The following CNTNAP2 variants were observed in gnomAD, a reference collection of about 807,000 sequenced individuals.
CNTNAP2 encodes the protein contactin-associated protein-like 2.
Under a neutral mutation model 155.2 loss-of-function variants are expected in CNTNAP2, and 98 were observed. That is an observed-to-expected ratio of 0.63 (90% CI 0.54 to 0.75). The LOEUF (loss-of-function observed/expected upper bound fraction) is 0.75. Ranked by LOEUF, CNTNAP2 falls within the 30% of genes least tolerant of loss-of-function variation. The pLI, the probability that CNTNAP2 is intolerant of heterozygous loss-of-function variation, is 0.00. For synonymous variants in CNTNAP2, 651 were observed against 631.2 expected (o/e 1.03, Z -0.47); for missense variants, 1,727 against 1,688.1 (o/e 1.02, Z -0.40).
chr7:147,321,698 A>C (rs566613139), intron 9 of CNTNAP2, among the ~76,000 whole-genome samples: 1 of 152,276 alleles, frequency 6.6e-6, no homozygotes, highest in Admixed American at 6.5e-5. Context: ...CTCAGTTGGC[A>C]CCTAATTTGC....
At chr7:148,140,642 G>A (rs145627303) in intron 16 of CNTNAP2, among the ~76,000 whole-genome samples, 2,562 of 151,892 alleles carry the variant, frequency 0.017, 76 homozygotes, top group African/African-American at 0.058. Context: ...GGCTGGTCTC[G>A]AACTCCTGAC....
intron 23 of CNTNAP2, among the ~76,000 whole-genome samples, chr7:148,414,464 G>C (rs966113355): frequency 6.7e-6 from 1 of 150,084 alleles, no homozygotes; most frequent in African/African-American, 2.5e-5. Context: ...TTAAACCCCT[G>C]TGCAGGTTTC....
chr7:147,159,757 T>C (rs978441345), intron 8 of CNTNAP2, among the ~76,000 whole-genome samples: 15 of 152,142 alleles, frequency 9.9e-5, no homozygotes, highest in Admixed American at 7.2e-4. Flanking sequence ...TAATAGACTG[T>C]CATCATTTTG....
At position 147,821,164 on chromosome 7, in the gene CNTNAP2, A is replaced by AT. The variant is rs570856981; in HGVS notation, c.2099-82396dup. Reference sequence around the variant, plus strand: ...GACAGGAATATAAAGAGGAATAGGAATTTTTATTATATTTTTAAACAACAT... The same window carrying AT: ...GACAGGAATATAAAGAGGAATAGGAATTTTTTATTATATTTTTAAACAACAT... On this transcript the variant is annotated intron_variant, in intron 13 of 23. Coordinates refer to ENST00000361727, the MANE Select transcript of CNTNAP2 (RefSeq NM_014141.6). Among the ~76,000 whole-genome samples, 422 of 152,238 alleles carry AT rather than the reference A, an allele frequency of 2.8e-3. 1 individual carries two copies. Among genetic ancestry groups the AT allele is most frequent in the Non-Finnish European group, 4.6e-3 (316 of 67,986 alleles).
At chr7:147,165,876 A>G (rs1802103969) in intron 8 of CNTNAP2, among the ~76,000 whole-genome samples, 1 of 152,174 alleles carries the variant, frequency 6.6e-6, no homozygotes, top group Non-Finnish European at 1.5e-5. Flanking sequence ...AAATCCAAAA[A>G]TAATAGATGT....
intron 1 of CNTNAP2, among the ~76,000 whole-genome samples, chr7:146,458,455 C>G (rs1172312149): frequency 6.6e-6 from 1 of 152,146 alleles, no homozygotes; most frequent in African/African-American, 2.4e-5. Context: ...GATTCAGTCA[C>G]CCTCACATGC....
At chr7:148,297,165 A>AAAGGAAGGAAGG (rs141074994) in intron 21 of CNTNAP2, among the ~76,000 whole-genome samples, 30,052 of 128,596 alleles carry the variant, frequency 0.23, 3,966 homozygotes, top group East Asian at 0.35. Context: ...GAGATAGAGA[A>AAAGGAAGGAAGG]AAGGAAGGAA....
chr7:147,311,706 G>T (rs1795130333), intron 9 of CNTNAP2, among the ~76,000 whole-genome samples: 1 of 151,496 alleles, frequency 6.6e-6, no homozygotes, highest in Non-Finnish European at 1.5e-5. Flanking sequence ...AGAAGTTTGT[G>T]TTTTTTTTTC....
chr7:148,061,962 G>GAT lies in CNTNAP2; in HGVS notation c.2384-56154_2384-56153dup, dbSNP rs1428829084. Among the ~76,000 whole-genome samples, 172 of 72,388 alleles carry GAT rather than the reference G, an allele frequency of 2.4e-3. 4 individuals carry two copies. Among genetic ancestry groups the GAT allele is most frequent in the Middle Eastern group, 0.013 (2 of 152 alleles). The allele number at this position is 72,388 out of a possible 152,430, so 47.5% of individuals were successfully genotyped here. A position where few individuals can be genotyped will look rare whatever the true frequency, so the allele number is the denominator to read the frequency against. On this transcript the variant is annotated intron_variant, in intron 15 of 23. Transcript: ENST00000361727. ...ATAGATAGATAAACAGATATAGATA[G>GAT]ATAGATAGATAGATAGATAGATAGA... is the stretch of plus-strand genomic sequence containing the variant.
At chr7:148,093,004 G>A (rs1231264315) in intron 15 of CNTNAP2, among the ~76,000 whole-genome samples, 2 of 151,484 alleles carry the variant, frequency 1.3e-5, no homozygotes, top group Admixed American at 6.6e-5. Context: ...ATTTGTTCCA[G>A]TTATCATACT....
chr7:146,211,083 T>G (rs1349338301), intron 1 of CNTNAP2, among the ~76,000 whole-genome samples: 1 of 152,148 alleles, frequency 6.6e-6, no homozygotes, highest in East Asian at 1.9e-4. Flanking sequence ...CTTGCAAACA[T>G]AAACACATTT....
chr7:146,783,207 A>C (rs1487073260), intron 2 of CNTNAP2, among the ~76,000 whole-genome samples: 1 of 152,168 alleles, frequency 6.6e-6, no homozygotes, highest in Non-Finnish European at 1.5e-5. Flanking sequence ...TATCTTATAG[A>C]AACTAACATG....
At chr7:146,842,842 C>T (rs535919967) in intron 3 of CNTNAP2, among the ~76,000 whole-genome samples, 8 of 150,850 alleles carry the variant, frequency 5.3e-5, no homozygotes, top group African/African-American at 9.8e-5. Context: ...CCCGCCACCA[C>T]GCCCGGCTAA....
At chr7:147,040,629 T>G (rs1347846952) in intron 3 of CNTNAP2, among the ~76,000 whole-genome samples, 1 of 151,640 alleles carries the variant, frequency 6.6e-6, no homozygotes, top group Non-Finnish European at 1.5e-5. Context: ...CCTGGCTGAT[T>G]TTTGTATTTT....
chr7:147,812,883 A>G (rs1798203785), intron 13 of CNTNAP2, among the ~76,000 whole-genome samples: 1 of 152,300 alleles, frequency 6.6e-6, no homozygotes, highest in African/African-American at 2.4e-5. Flanking sequence ...GTAGACTAAC[A>G]TATATTAATA....
chr7:146,506,311 T>A (rs772650216), intron 1 of CNTNAP2, among the ~76,000 whole-genome samples: 1 of 152,214 alleles, frequency 6.6e-6, no homozygotes, highest in Non-Finnish European at 1.5e-5. Context: ...TTGTGTAACA[T>A]TGGGCAGCTG....
intron 8 of CNTNAP2, among the ~76,000 whole-genome samples, chr7:147,170,420 CTTTGTTTG>C (rs145029603): frequency 2.0e-5 from 3 of 151,920 alleles, no homozygotes; most frequent in Non-Finnish European, 4.4e-5. Flanking sequence ...TGTGCCGTGG[CTTTGTTTG>C]TTTGTTTGTT....
intron 17 of CNTNAP2, among the ~76,000 whole-genome samples, chr7:148,153,020 CAAAAAAAAAAAAA>C (rs373499312): frequency 2.6e-4 from 6 of 22,680 alleles, no homozygotes; most frequent in Non-Finnish European, 4.6e-4. Flanking sequence ...GACTCCGTCT[CAAAAAAAAAAAAA>C]AAAAAAAAAA....
At chr7:147,226,935 C>T (rs1031394511) in intron 8 of CNTNAP2, among the ~76,000 whole-genome samples, 3 of 152,118 alleles carry the variant, frequency 2.0e-5, no homozygotes, top group Non-Finnish European at 4.4e-5. Flanking sequence ...CAGTTCTGTC[C>T]TCACTGAGCT....
Sources: allele counts gnomAD v4.1 joint callset (sites outside exome capture counted in the v4.1 genomes callset), GRCh38; gene constraint gnomAD v4.1.1; transcripts MANE v1.5; gene names NCBI Gene and HGNC (gene_info 2026-07-23, HGNC 2026-07-21).